The following GRIN2B variants were observed in gnomAD, a reference collection of about 807,000 sequenced individuals.
GRIN2B encodes glutamate receptor ionotropic, NMDA 2B.
GRIN2B carries 5 observed loss-of-function variants against 114.5 expected under a neutral mutation model. That is an observed-to-expected ratio of 0.04 (90% CI 0.02 to 0.09). The LOEUF is 0.09. GRIN2B is among the 10% of genes least tolerant of loss of function. The probability of loss-of-function intolerance (pLI) is 1.00; values close to 1 mark genes in which losing one functional copy is unlikely to be tolerated. For missense variants in GRIN2B, 1,108 were observed against 1,943.5 expected, an observed-to-expected ratio of 0.57 and a Z score of 8.08; for synonymous variants, 787 against 745.1, an observed-to-expected ratio of 1.06 and a Z score of -0.92.
intron 2 of GRIN2B, among the ~76,000 whole-genome samples, chr12:13,970,224 C>A (rs966716912): frequency 2.6e-5 from 4 of 152,114 alleles, no homozygotes; most frequent in Non-Finnish European, 5.9e-5. Context: ...AAAGGAAGGG[C>A]AATAGCATAA....
chr12:13,875,620 A>G (rs564767307), intron 2 of GRIN2B, among the ~76,000 whole-genome samples: 17 of 152,210 alleles, frequency 1.1e-4, no homozygotes, highest in Non-Finnish European at 2.1e-4. Flanking sequence ...TCTGTAGCCC[A>G]GACATATTCC....
At chr12:13,631,306 C>A (rs1565483084) in intron 5 of GRIN2B, among the ~76,000 whole-genome samples, 1 of 152,172 alleles carries the variant, frequency 6.6e-6, no homozygotes. Context: ...AAGACCTGGC[C>A]AAGCCCTGTC....
chr12:13,678,839 A>G (rs962271186), intron 4 of GRIN2B, among the ~76,000 whole-genome samples: 1 of 152,210 alleles, frequency 6.6e-6, no homozygotes, highest in Non-Finnish European at 1.5e-5. Context: ...AAACTAGAAT[A>G]TAAGCACTAA....
chr12:13,745,538 G>A lies in GRIN2B; in HGVS notation c.1010+7779C>T, dbSNP rs576514976. On this transcript the variant is annotated intron_variant, in intron 4 of 13. Coordinates refer to ENST00000609686, the MANE Select transcript of GRIN2B (RefSeq NM_000834.5). ...GTAGCATGCTCTAGCAAAGAGCACC[G>A]CTCCTGCCATCAGGACACCTGGCTT... 1.4e-4 allele frequency among the ~76,000 whole-genome samples: 22 copies of A among 152,288 alleles called. No homozygotes were observed. In the South Asian group the frequency reaches 3.7e-3, roughly 26 times the overall value.
At chr12:13,791,116 T>C (rs1864311656) in intron 3 of GRIN2B, among the ~76,000 whole-genome samples, 1 of 152,028 alleles carries the variant, frequency 6.6e-6, no homozygotes, top group African/African-American at 2.4e-5. Context: ...AAAATGACAG[T>C]ACACAGAGAA....
chr12:13,665,886 A>T (rs902538916), intron 5 of GRIN2B, among the ~76,000 whole-genome samples: 1 of 152,176 alleles, frequency 6.6e-6, no homozygotes, highest in African/African-American at 2.4e-5. Context: ...GAGAATGCTG[A>T]GGTGCCTTAA....
chr12:13,867,244 T>G lies in GRIN2B; in HGVS notation c.-18-1018A>C, dbSNP rs1865842968. ...TGACTGATACCGTATTTTCATATAA[T>G]TTGCCACCTTTTACCTACAAAGAAC... On this transcript the variant is annotated intron_variant, in intron 2 of 13. Transcript: ENST00000609686. Among the ~76,000 whole-genome samples, 3 of 152,196 alleles carry G rather than the reference T, an allele frequency of 2.0e-5. No individual in the cohort carries two copies. The South Asian group carries it at 6.2e-4, about 32-fold the overall frequency.
At chr12:13,816,304 T>G (rs1864822160) in intron 3 of GRIN2B, among the ~76,000 whole-genome samples, 1 of 152,136 alleles carries the variant, frequency 6.6e-6, no homozygotes. Context: ...GAAAAGTAGA[T>G]GGTTATGGAA....
At chr12:13,643,479 G>A (rs1316766887) in intron 5 of GRIN2B, among the ~76,000 whole-genome samples, 1 of 152,140 alleles carries the variant, frequency 6.6e-6, no homozygotes. Context: ...GCTGGAGGAG[G>A]ATCTCGCCTC....
chr12:13,925,034 A>T (rs916821659), intron 2 of GRIN2B, among the ~76,000 whole-genome samples: 3 of 152,214 alleles, frequency 2.0e-5, no homozygotes, highest in Non-Finnish European at 4.4e-5. Flanking sequence ...GGACAAAGAA[A>T]ATCTGTGCTT....
At chr12:13,739,344 A>C (rs1863238112) in intron 4 of GRIN2B, among the ~76,000 whole-genome samples, 1 of 126,976 alleles carries the variant, frequency 7.9e-6, no homozygotes, top group South Asian at 2.9e-4. Flanking sequence ...ATTGCACTCC[A>C]GCCTGGGCAA....
At chr12:13,806,607 T>C (rs1229339304) in intron 3 of GRIN2B, among the ~76,000 whole-genome samples, 1 of 152,134 alleles carries the variant, frequency 6.6e-6, no homozygotes, top group Non-Finnish European at 1.5e-5. Flanking sequence ...GAGTTATATA[T>C]TTTTAATATT....
chr12:13,759,162 C>A lies in GRIN2B; in HGVS notation c.412-5247G>T, dbSNP rs182531609. Among the ~76,000 whole-genome samples the A allele has an allele frequency of 5.3e-5, 8 of 151,998 alleles. No homozygotes were observed. The East Asian group carries it at 1.5e-3, about 29-fold the overall frequency. On this transcript the variant is annotated intron_variant, in intron 3 of 13. Transcript: ENST00000609686. ...AGCTGGGACTACAGATGCGCACCAC[C>A]ACACCCAGCTAATTTTTTTTGTATT...
intron 4 of GRIN2B, among the ~76,000 whole-genome samples, chr12:13,728,981 A>G (rs1211250056): frequency 6.6e-6 from 1 of 152,198 alleles, no homozygotes; most frequent in Non-Finnish European, 1.5e-5. Context: ...ACCCATCAGT[A>G]AAACTCTCTC....
At chr12:13,961,371 T>C (rs747428673) in intron 2 of GRIN2B, among the ~76,000 whole-genome samples, 1 of 150,764 alleles carries the variant, frequency 6.6e-6, no homozygotes, top group Non-Finnish European at 1.5e-5. Flanking sequence ...GTGAGAGAGA[T>C]ACCATAGGGA....
At chr12:13,804,688 G>C (rs150887990) in intron 3 of GRIN2B, among the ~76,000 whole-genome samples, 1 of 152,010 alleles carries the variant, frequency 6.6e-6, no homozygotes, top group Non-Finnish European at 1.5e-5. Flanking sequence ...AGTTCCTGCC[G>C]TGTTTCTCAT....
Position 13,616,478 on chromosome 12 carries a change from G to A in GRIN2B, c.1305C>T (p.Pro435=). The change falls in exon 6 of 14, where the codon CCC becomes CCT. Residue 435 remains proline (P), a synonymous_variant. Transcript: ENST00000609686. ...LSGTCMRNTV[P]CQKRIVTENK... is the part of the protein sequence containing the mutation. The stretch of plus-strand genomic sequence containing the variant: ...ACTCAGTGACTATGCGTTTTTGGCA[G>A]GGGACTGTGTTCCTCATGCAGGTTC... 1.2e-6 allele frequency: 2 copies of A among 1,613,778 alleles called. No homozygotes were observed. The highest frequency in any genetic ancestry group is 1.7e-6 in the Non-Finnish European group (2 of 1,179,834).
intron 3 of GRIN2B, among the ~76,000 whole-genome samples, chr12:13,823,189 C>G (rs1455979855): frequency 6.6e-6 from 1 of 151,958 alleles, no homozygotes; most frequent in African/African-American, 2.4e-5. Context: ...ACATCAATTT[C>G]TACCCCCACC....
intron 5 of GRIN2B, among the ~76,000 whole-genome samples, chr12:13,671,728 A>T (rs1950023722): frequency 6.6e-6 from 1 of 152,128 alleles, no homozygotes; most frequent in Non-Finnish European, 1.5e-5. Context: ...TAGCTTGTCA[A>T]TATTCTAGTT....
Sources: gnomAD v4.1 joint callset for allele counts (sites outside exome capture counted in the v4.1 genomes callset) on GRCh38, gnomAD v4.1.1 for gene constraint, MANE v1.5 for transcripts, NCBI Gene and HGNC (gene_info 2026-07-23, HGNC 2026-07-21) for gene names.